SCLT1: variants seen among roughly 807,000 people sequenced by gnomAD.
SCLT1 encodes the protein sodium channel-associated protein 1.
A neutral mutation model predicts 112.8 loss-of-function variants in SCLT1; 78 were observed. The ratio of observed to expected loss-of-function variants is 0.69; its 90% confidence interval spans 0.58 to 0.83. The LOEUF (loss-of-function observed/expected upper bound fraction) is 0.83. Among genes scored for constraint, SCLT1 ranks in the 40% least tolerant of loss-of-function variants. The pLI is 0.00. For synonymous variants in SCLT1, 257 were observed against 254.7 expected, an observed-to-expected ratio of 1.01 and a Z score of -0.09; for missense variants, 747 against 770.4, an observed-to-expected ratio of 0.97 and a Z score of 0.36.
chr4:128,891,029 A>G (rs560909152), intron 19 of SCLT1, 30 bp downstream of exon 19: 1 of 1,507,090 alleles, frequency 6.6e-7, no homozygotes, highest in East Asian at 2.3e-5. Context: ...CTGCAGCAGA[A>G]AGCACTTCCC....
chr4:129,048,929 G>A (rs1748469471), intron 2 of SCLT1, among the ~76,000 whole-genome samples: 1 of 152,008 alleles, frequency 6.6e-6, no homozygotes, highest in African/African-American at 2.4e-5. Context: ...ACCACAATGA[G>A]ATACCATCTC....
intron 5 of SCLT1, among the ~76,000 whole-genome samples, chr4:129,022,494 A>C (rs1745579018): frequency 6.6e-6 from 1 of 152,228 alleles, no homozygotes; most frequent in Admixed American, 6.5e-5. Flanking sequence ...GAACTTAGTG[A>C]AGCATACAAA....
intron 12 of SCLT1, among the ~76,000 whole-genome samples, chr4:128,958,179 C>A (rs536006897): frequency 1.3e-5 from 2 of 152,258 alleles, no homozygotes; most frequent in Admixed American, 1.3e-4. Flanking sequence ...CTGTTCCCAC[C>A]ATCTTCCAAA....
chr4:128,883,141 T>TCAA (rs1227161496), downstream of SCLT1, among the ~76,000 whole-genome samples: 6 of 106,780 alleles, frequency 5.6e-5, no homozygotes, highest in East Asian at 5.1e-4. Context: ...TGAGACTCTC[T>TCAA]CAACAACAAC....
At chr4:128,978,932 T>C (rs764895507) in intron 9 of SCLT1, among the ~76,000 whole-genome samples, 6 of 152,152 alleles carry the variant, frequency 3.9e-5, no homozygotes, top group Non-Finnish European at 5.9e-5. Context: ...ACTCTGGTCC[T>C]AGAAATTACA....
At chr4:128,981,044 T>C (rs540147241) in intron 9 of SCLT1, among the ~76,000 whole-genome samples, 54 of 152,282 alleles carry the variant, frequency 3.5e-4, no homozygotes, top group Admixed American at 2.4e-3. Flanking sequence ...GCACCTGCCA[T>C]ATGTCTAGTA....
At chr4:129,054,420 C>A (rs1749154282) in intron 2 of SCLT1, among the ~76,000 whole-genome samples, 1 of 152,014 alleles carries the variant, frequency 6.6e-6, no homozygotes, top group Non-Finnish European at 1.5e-5. Flanking sequence ...TCACATAGTC[C>A]CATATTTCTT....
chr4:129,067,903 T>C (rs1297703465), intron 2 of SCLT1, among the ~76,000 whole-genome samples: 1 of 152,004 alleles, frequency 6.6e-6, no homozygotes, highest in East Asian at 1.9e-4. Flanking sequence ...ATGGGTAAGT[T>C]CTTTAGTGAT....
chr4:128,997,823 TATG>T (rs2126078912), intron 8 of SCLT1, 48 bp downstream of exon 8: 1 of 831,234 alleles, frequency 1.2e-6, no homozygotes, highest in East Asian at 3.0e-5. Flanking sequence ...CATAAATAAA[TATG>T]ATTATTTATA....
intron 7 of SCLT1, 86 bp downstream of exon 7, chr4:128,999,586 G>A: frequency 1.2e-6 from 1 of 845,310 alleles, no homozygotes; most frequent in Non-Finnish European, 1.9e-6. Context: ...CTATAGGGTA[G>A]AGTCTTAAGC....
chr4:128,922,894 G>C (rs1336268781), intron 18 of SCLT1, among the ~76,000 whole-genome samples: 1 of 152,104 alleles, frequency 6.6e-6, no homozygotes, highest in African/African-American at 2.4e-5. Context: ...AAGAGACTGT[G>C]TGACTGCAGC....
intron 18 of SCLT1, among the ~76,000 whole-genome samples, chr4:128,898,276 A>G (rs1356602821): frequency 6.6e-6 from 1 of 152,208 alleles, no homozygotes; most frequent in Non-Finnish European, 1.5e-5. Context: ...GTTGGAAGTA[A>G]AGCACTCCTC....
chr4:128,931,842 T>C (rs1057104254), intron 18 of SCLT1, among the ~76,000 whole-genome samples: 2 of 152,258 alleles, frequency 1.3e-5, no homozygotes, highest in African/African-American at 4.8e-5. Flanking sequence ...AGTAAATTGT[T>C]ATTCACTGCT....
intron 5 of SCLT1, among the ~76,000 whole-genome samples, chr4:129,025,580 A>G (rs981204277): frequency 5.6e-4 from 85 of 152,196 alleles, no homozygotes; most frequent in South Asian, 1.0e-3. Context: ...AACCGGTACC[A>G]GCCACTGCAA....
chr4:129,007,460 C>A (rs1237179399), intron 5 of SCLT1, among the ~76,000 whole-genome samples: 1 of 152,084 alleles, frequency 6.6e-6, no homozygotes, highest in African/African-American at 2.4e-5. Flanking sequence ...ATCTTTTGGG[C>A]AAATATAATT....
At chr4:129,000,613 A>G (rs1037586252) in intron 6 of SCLT1, among the ~76,000 whole-genome samples, 1 of 151,932 alleles carries the variant, frequency 6.6e-6, no homozygotes, top group African/African-American at 2.4e-5. Flanking sequence ...TCCTTGCTCT[A>G]AGGGCTAATG....
chr4:128,896,694 GAGA>G (rs1482841026), intron 18 of SCLT1, among the ~76,000 whole-genome samples: 5 of 152,186 alleles, frequency 3.3e-5, no homozygotes, highest in Non-Finnish European at 7.3e-5. Context: ...GACGAGTTGA[GAGA>G]AGAAGGCTTC....
intron 5 of SCLT1, among the ~76,000 whole-genome samples, chr4:129,023,901 T>A (rs2126127811): frequency 6.6e-6 from 1 of 152,328 alleles, no homozygotes; most frequent in East Asian, 1.9e-4. Context: ...GCACCTGGCT[T>A]GGAGGGTCCT....
At chr4:129,056,608 A>G (rs1042559524) in intron 2 of SCLT1, among the ~76,000 whole-genome samples, 1 of 152,168 alleles carries the variant, frequency 6.6e-6, no homozygotes, top group Non-Finnish European at 1.5e-5. Flanking sequence ...TGTAAATGAG[A>G]TTGCTTTCTT....
Sources: gnomAD v4.1 joint callset for allele counts (sites outside exome capture counted in the v4.1 genomes callset) on GRCh38, gnomAD v4.1.1 for gene constraint, MANE v1.5 for transcripts, NCBI Gene and HGNC (gene_info 2026-07-23, HGNC 2026-07-21) for gene names.